The following EYS variants were observed in gnomAD, a reference collection of about 807,000 sequenced individuals.
The protein encoded by EYS is protein eyes shut homolog.
In EYS, 250 loss-of-function variants were observed where a neutral mutation model predicts 282.1. The ratio of observed to expected loss-of-function variants is 0.89; its 90% confidence interval spans 0.80 to 0.98. The LOEUF is 0.98. EYS is among the 50% of genes least tolerant of loss of function. EYS has a pLI of 0.00. For synonymous variants in EYS, 1,355 were observed against 1,282.9 expected (o/e 1.06, Z -1.20); for missense variants, 4,016 against 3,709.0 (o/e 1.08, Z -2.15).
At chr6:65,037,183 A>G (rs1217056179) in intron 13 of EYS, among the ~76,000 whole-genome samples, 3 of 151,924 alleles carry the variant, frequency 2.0e-5, no homozygotes, top group Non-Finnish European at 2.9e-5. Context: ...GCTGGAGGCC[A>G]TTATCTTAAT....
At chr6:63,929,362 A>G (rs1764817916) in intron 35 of EYS, among the ~76,000 whole-genome samples, 1 of 152,178 alleles carries the variant, frequency 6.6e-6, no homozygotes, top group Non-Finnish European at 1.5e-5. Context: ...CAAGACACAG[A>G]CAGCTGTTAT....
Position 65,130,800 on chromosome 6 carries a change from T to TA in EYS, c.2024-73074dup, listed in dbSNP as rs775834925. 3.5e-3 allele frequency among the ~76,000 whole-genome samples: 444 copies of TA among 127,660 alleles called. 1 individual carries two copies. The highest frequency in any genetic ancestry group is 8.1e-3 in the Middle Eastern group (2 of 248). 83.7% of individuals were successfully genotyped at this position (127,660 alleles called of 152,430 possible). On this transcript the variant is annotated intron_variant, in intron 12 of 42. Coordinates refer to ENST00000503581, the MANE Select transcript of EYS (RefSeq NM_001142800.2). ...GGCACATGTACCCTGGAACTAAAGTTAAAAAAAAAAAAAGAAAAAGTACAT... is the reference window on the plus strand; with the variant it reads ...GGCACATGTACCCTGGAACTAAAGTTAAAAAAAAAAAAAAGAAAAAGTACAT...
chr6:65,484,466 C>G (rs1207378584), intron 5 of EYS, among the ~76,000 whole-genome samples: 1 of 152,068 alleles, frequency 6.6e-6, no homozygotes, highest in African/African-American at 2.4e-5. Flanking sequence ...GTAATATAAC[C>G]AGTAATAACA....
At chr6:65,321,523 T>A (rs1769476086) in intron 11 of EYS, among the ~76,000 whole-genome samples, 1 of 152,140 alleles carries the variant, frequency 6.6e-6, no homozygotes, top group Non-Finnish European at 1.5e-5. Context: ...ATGAAGAAGA[T>A]AATATCCTCA....
intron 26 of EYS, among the ~76,000 whole-genome samples, chr6:64,508,216 A>G (rs1398351606): frequency 6.6e-6 from 1 of 152,174 alleles, no homozygotes; most frequent in Non-Finnish European, 1.5e-5. Context: ...TGTATACACT[A>G]AAGAAATGTT....
chr6:63,800,631 G>A (rs1770761536), intron 37 of EYS, among the ~76,000 whole-genome samples: 1 of 152,010 alleles, frequency 6.6e-6, no homozygotes, highest in South Asian at 2.1e-4. Context: ...ATGAAACCGC[G>A]TCTCTATTAA....
intron 26 of EYS, among the ~76,000 whole-genome samples, chr6:64,530,988 ATGCCGGTAAAAT>A (rs1764310337): frequency 6.6e-6 from 1 of 152,102 alleles, no homozygotes; most frequent in Non-Finnish European, 1.5e-5. Context: ...AACCTTTGAT[ATGCCGGTAAAAT>A]TGGAGAGATT....
chr6:65,645,878 A>T (rs1767432434), intron 1 of EYS, among the ~76,000 whole-genome samples: 1 of 152,254 alleles, frequency 6.6e-6, no homozygotes, highest in African/African-American at 2.4e-5. Flanking sequence ...ACAAAAGATT[A>T]TTCAAGTCTA....
chr6:65,053,630 CAAATGTTTTCT>C (rs1773336615), intron 13 of EYS, among the ~76,000 whole-genome samples: 1 of 151,774 alleles, frequency 6.6e-6, no homozygotes, highest in African/African-American at 2.4e-5. Flanking sequence ...CAGGGGCCAG[CAAATGTTTTCT>C]ATAGAGGACC....
Position 65,653,423 on chromosome 6 carries a change from C to G in EYS, c.-447-13531G>C, listed in dbSNP as rs79787916. ...TAAAATTGCCACCAAACAAGTTTGC[C>G]TAGCACAAGCTTTGATATACACTGA... is the stretch of plus-strand genomic sequence containing the variant. On this transcript the variant is annotated intron_variant, in intron 1 of 42. Transcript: ENST00000503581. 2.3e-4 allele frequency among the ~76,000 whole-genome samples: 35 copies of G among 152,006 alleles called. No individual in the cohort carries two copies. The East Asian group carries it at 6.4e-3, about 28-fold the overall frequency.
At chr6:64,500,976 T>A (rs990250910) in intron 26 of EYS, among the ~76,000 whole-genome samples, 1 of 152,032 alleles carries the variant, frequency 6.6e-6, no homozygotes, top group African/African-American at 2.4e-5. Flanking sequence ...TGGCACAATT[T>A]CTTTTTATTT....
At chr6:64,950,071 G>C (rs978155975) in intron 14 of EYS, among the ~76,000 whole-genome samples, 4 of 151,878 alleles carry the variant, frequency 2.6e-5, no homozygotes, top group African/African-American at 9.7e-5. Context: ...CATGTAATAA[G>C]AGATAACCAG....
At chr6:64,732,162 G>A (rs982984946) in intron 22 of EYS, among the ~76,000 whole-genome samples, 2 of 152,116 alleles carry the variant, frequency 1.3e-5, no homozygotes, top group Non-Finnish European at 2.9e-5. Context: ...GGCCTGTCGG[G>A]GTTGGGGGGC....
chr6:65,327,098 T>A (rs1254654163), intron 11 of EYS, among the ~76,000 whole-genome samples: 2 of 151,706 alleles, frequency 1.3e-5, no homozygotes, highest in Non-Finnish European at 3.0e-5. Context: ...TTGATTGTAA[T>A]GCAAAATGCT....
intron 28 of EYS, among the ~76,000 whole-genome samples, chr6:64,410,107 G>T (rs888695579): frequency 6.6e-6 from 1 of 151,966 alleles, no homozygotes; most frequent in African/African-American, 2.4e-5. Context: ...CTGTGTTAGT[G>T]CAGATAAAAA....
rs905932428 is a variant in EYS, at chr6:64,178,402, C to G, written c.6424+52190G>C. On this transcript the variant is annotated intron_variant, in intron 31 of 42. Coordinates refer to ENST00000503581, the MANE Select transcript of EYS (RefSeq NM_001142800.2). The stretch of plus-strand genomic sequence containing the variant: ...CCTTGTATTATCTAAATTGCTCTGA[C>G]TCTGTAATTTTCTACATGAGTGGAA... Among the ~76,000 whole-genome samples the G allele has an allele frequency of 2.0e-5, 3 of 152,080 alleles. No homozygotes were observed. In the South Asian group the frequency reaches 6.2e-4, roughly 31 times the overall value.
At chr6:64,766,649 A>ATATATAT (rs1554201272) in intron 22 of EYS, among the ~76,000 whole-genome samples, 6 of 19,062 alleles carry the variant, frequency 3.1e-4, no homozygotes, top group African/African-American at 5.5e-4. Context: ...AAAAAAAAAA[A>ATATATAT]ATATATATAT....
At chr6:64,054,342 A>T (rs190976883) in intron 33 of EYS, among the ~76,000 whole-genome samples, 3 of 152,236 alleles carry the variant, frequency 2.0e-5, no homozygotes, top group Non-Finnish European at 4.4e-5. Context: ...TAGAAAAAAA[A>T]CCCAGAATAT....
chr6:64,423,669 G>T (rs1350298124), intron 28 of EYS, among the ~76,000 whole-genome samples: 1 of 152,082 alleles, frequency 6.6e-6, no homozygotes, highest in African/African-American at 2.4e-5. Flanking sequence ...TTAGCCAGGC[G>T]TGGTGGCGTG....
Sources: allele counts gnomAD v4.1 joint callset (sites outside exome capture counted in the v4.1 genomes callset), GRCh38; gene constraint gnomAD v4.1.1; transcripts MANE v1.5; gene names NCBI Gene and HGNC (gene_info 2026-07-23, HGNC 2026-07-21).